Variants in MARCHF8 observed in about 807,000 individuals in gnomAD.
The protein encoded by MARCHF8 is E3 ubiquitin-protein ligase MARCHF8.
In MARCHF8, 40 loss-of-function variants were observed where a neutral mutation model predicts 51.6. The ratio of observed to expected loss-of-function variants is 0.77; its 90% CI spans 0.60 to 1.01. The LOEUF is 1.01. MARCHF8 is among the 50% of genes least tolerant of loss of function. MARCHF8 has a pLI of 0.00. For missense variants in MARCHF8, 685 were observed against 708.6 expected (o/e 0.97, Z 0.38); for synonymous variants, 263 against 280.3 (o/e 0.94, Z 0.62).
chr10:45,563,774 C>T (rs1169894323), intron 1 of MARCHF8, among the ~76,000 whole-genome samples: 1 of 152,096 alleles, frequency 6.6e-6, no homozygotes, highest in Admixed American at 6.5e-5. Flanking sequence ...AAATTAATTT[C>T]AGTTACATAT....
At chr10:45,537,234 T>A (rs2043986189), upstream of MARCHF8, among the ~76,000 whole-genome samples, 1 of 152,190 alleles carries the variant, frequency 6.6e-6, no homozygotes, top group Non-Finnish European at 1.5e-5. Flanking sequence ...GGAAATAACC[T>A]AAACGTCCAT....
chr10:45,540,170 T>C (rs1316539755), upstream of MARCHF8, among the ~76,000 whole-genome samples: 3 of 152,176 alleles, frequency 2.0e-5, no homozygotes, highest in Admixed American at 6.5e-5. Flanking sequence ...AAGCTACCAA[T>C]GACTTTCTTC....
intron 1 of MARCHF8, among the ~76,000 whole-genome samples, chr10:45,592,897 G>A (rs1299107310): frequency 6.6e-6 from 1 of 152,042 alleles, no homozygotes; most frequent in African/African-American, 2.4e-5. Flanking sequence ...AATATTTATA[G>A]TAAAAATTTA....
intron 3 of MARCHF8, among the ~76,000 whole-genome samples, chr10:45,465,975 A>G (rs1842954838): frequency 6.6e-6 from 1 of 152,190 alleles, no homozygotes; most frequent in African/African-American, 2.4e-5. Flanking sequence ...ACAAAATGAA[A>G]GACATCTAGG....
intron 6 of MARCHF8, among the ~76,000 whole-genome samples, chr10:45,460,419 G>C (rs1037357676): frequency 1.1e-4 from 17 of 152,282 alleles, no homozygotes; most frequent in African/African-American, 3.6e-4. Context: ...CAGCACTCTA[G>C]CTCATAATGA....
intron 2 of MARCHF8, among the ~76,000 whole-genome samples, chr10:45,517,496 A>C (rs1259875875): frequency 6.6e-6 from 1 of 152,100 alleles, no homozygotes; most frequent in East Asian, 1.9e-4. Context: ...CTGGTCATTT[A>C]AGAATGTGTG....
At chr10:45,537,943 T>C (rs1415294422), upstream of MARCHF8, among the ~76,000 whole-genome samples, 1 of 152,174 alleles carries the variant, frequency 6.6e-6, no homozygotes, top group African/African-American at 2.4e-5. Context: ...CTAAGATAGA[T>C]AGAGAAAATT....
At chr10:45,559,239 G>A (rs961644890) in intron 1 of MARCHF8, among the ~76,000 whole-genome samples, 8 of 152,144 alleles carry the variant, frequency 5.3e-5, no homozygotes, top group South Asian at 2.1e-4. Context: ...CAAACTATAC[G>A]GTGGTATGTA....
At chr10:45,592,588 A>G (rs1355140276) in intron 1 of MARCHF8, among the ~76,000 whole-genome samples, 2 of 152,224 alleles carry the variant, frequency 1.3e-5, no homozygotes, top group Non-Finnish European at 2.9e-5. Context: ...GTATAAACCT[A>G]AACATTATGT....
intron 1 of MARCHF8, among the ~76,000 whole-genome samples, chr10:45,565,938 A>G (rs1374227646): frequency 6.6e-6 from 1 of 152,246 alleles, no homozygotes. Flanking sequence ...CATGGCCAAC[A>G]GCACTACAAT....
chr10:45,540,538 G>C (rs1398354001), intron 1 of MARCHF8, among the ~76,000 whole-genome samples: 7 of 152,036 alleles, frequency 4.6e-5, no homozygotes, highest in Non-Finnish European at 7.4e-5. Context: ...ACACCAAAAG[G>C]AATGGCAACA....
chr10:45,521,020 C>G (rs559465760), intron 2 of MARCHF8, among the ~76,000 whole-genome samples: 7 of 152,130 alleles, frequency 4.6e-5, no homozygotes, highest in Admixed American at 1.3e-4. Context: ...AACCTGTGAA[C>G]AGCTAAAAAA....
At chr10:45,488,490 C>G (rs2043024616) in intron 3 of MARCHF8, among the ~76,000 whole-genome samples, 1 of 150,950 alleles carries the variant, frequency 6.6e-6, no homozygotes, top group Admixed American at 6.6e-5. Flanking sequence ...AGCCGAAGAC[C>G]CATGGGACGT....
intron 2 of MARCHF8, among the ~76,000 whole-genome samples, chr10:45,492,592 C>T (rs2043103746): frequency 6.6e-6 from 1 of 152,166 alleles, no homozygotes; most frequent in African/African-American, 2.4e-5. Context: ...CCACTGCGCC[C>T]AGCCTAAACA....
At chr10:45,533,338 A>G (rs1048006778) in intron 1 of MARCHF8, 49 bp from the exon 2 acceptor site, 2 of 1,211,790 alleles carry the variant, frequency 1.7e-6, no homozygotes, top group Non-Finnish European at 2.1e-6. Context: ...AAAACACTTT[A>G]AATTTCCAAG....
intron 7 of MARCHF8, 137 bp from the exon 8 acceptor site, chr10:45,458,680 G>T (rs1004862175): frequency 7.3e-6 from 7 of 955,410 alleles, no homozygotes; most frequent in Non-Finnish European, 1.1e-5. Context: ...TTGCTATGTT[G>T]CCCAGGCTGG....
chr10:45,470,727 T>C (rs1843146971), intron 3 of MARCHF8, among the ~76,000 whole-genome samples: 1 of 152,266 alleles, frequency 6.6e-6, no homozygotes, highest in Middle Eastern at 3.4e-3. Context: ...AACTAAGAGA[T>C]AGGGATCTGC....
In MARCHF8 at chr10:45,566,056, C is replaced by T. The variant is rs550297646; in HGVS notation, c.-79+28179G>A. ...GCACATCGGCCCTACACTTGAGGGT[C>T]ATTTTAAACAGCAAAGTCACCCCAA... is the stretch of plus-strand genomic sequence containing the variant. On this transcript the variant is annotated intron_variant, in intron 1 of 6. Coordinates refer to the MARCHF8 transcript ENST00000319836. Among the ~76,000 whole-genome samples, 9 of 152,182 alleles carry T rather than the reference C, an allele frequency of 5.9e-5. No individual in the cohort carries two copies. The East Asian group carries it at 1.7e-3, about 29-fold the overall frequency.
At chr10:45,558,550 C>CGTGG (rs2044276777) in intron 1 of MARCHF8, among the ~76,000 whole-genome samples, 1 of 152,212 alleles carries the variant, frequency 6.6e-6, no homozygotes, top group Non-Finnish European at 1.5e-5. Flanking sequence ...CTGACAGCAG[C>CGTGG]GTGGGTAACA....
Sources: gnomAD v4.1 joint callset for allele counts (sites outside exome capture counted in the v4.1 genomes callset) on GRCh38, gnomAD v4.1.1 for gene constraint, MANE v1.5 for transcripts, NCBI Gene and HGNC (gene_info 2026-07-23, HGNC 2026-07-21) for gene names.